Variants in BACH2 observed in about 807,000 individuals in gnomAD.
BACH2 encodes the protein transcription regulator protein BACH2.
A neutral mutation model predicts 61.8 loss-of-function variants in BACH2; 5 were observed. That is an observed-to-expected ratio of 0.08 (90% CI 0.04 to 0.17). The LOEUF (loss-of-function observed/expected upper bound fraction) is 0.17. Among genes scored for constraint, BACH2 ranks in the 10% least tolerant of loss-of-function variants. The pLI, the probability that BACH2 is intolerant of heterozygous loss-of-function variation, is 1.00. For synonymous variants in BACH2, 446 were observed against 440.1 expected (o/e 1.01, Z -0.17); for missense variants, 824 against 1,091.1 (o/e 0.76, Z 3.45).
In BACH2 at chr6:89,950,253, T is replaced by TA; in HGVS notation, c.1836+16_1836+17insT. ...TAGAGAGTGGGTCACATGCTTGAAT[T>TA]TATGTGGGTTCCCTACCTCCTGGCC... is the stretch of plus-strand genomic sequence containing the variant. On this transcript the variant is annotated intron_variant, in intron 7 of 8. Coordinates refer to ENST00000257749, the MANE Select transcript of BACH2 (RefSeq NM_021813.4). This position sits in a 1 kb window ranked among gnomAD's most constrained non-coding sequence, Gnocchi z 5.3. The TA allele has an allele frequency of 6.2e-7, 1 of 1,613,926 alleles. No individual in the cohort carries two copies. The highest frequency in any genetic ancestry group is 8.5e-7 in the Non-Finnish European group (1 of 1,179,942).
intron 6 of BACH2, among the ~76,000 whole-genome samples, chr6:89,954,883 T>C (rs1163119341): frequency 6.6e-6 from 1 of 152,222 alleles, no homozygotes; most frequent in Non-Finnish European, 1.5e-5. Context: ...AAACTGTCAC[T>C]TAAGCCCAAG....
At chr6:90,010,562 CA>C (rs2127781338) in intron 5 of BACH2, among the ~76,000 whole-genome samples, 1 of 152,278 alleles carries the variant, frequency 6.6e-6, no homozygotes, top group East Asian at 1.9e-4. Context: ...TGAACATTCA[CA>C]TACAATTCTT....
chr6:90,116,938 T>C (rs1783425935), intron 4 of BACH2: 2 of 432,264 alleles, frequency 4.6e-6, no homozygotes, highest in African/African-American at 2.1e-5. Flanking sequence ...CAAGTACATG[T>C]GCAGCTTCAA....
intron 6 of BACH2, among the ~76,000 whole-genome samples, chr6:89,980,905 T>G (rs935813779): frequency 8.7e-5 from 13 of 148,816 alleles, no homozygotes; most frequent in Non-Finnish European, 1.9e-4. Flanking sequence ...ATTTTCAGTT[T>G]TTTTTTTTTT....
intron 8 of BACH2, among the ~76,000 whole-genome samples, chr6:89,933,563 T>C (rs1039432705): frequency 2.5e-4 from 38 of 151,870 alleles, no homozygotes; most frequent in African/African-American, 8.5e-4. Context: ...GTAGGTTCAT[T>C]GACTAACACA....
chr6:90,188,760 G>GAAAAAAAAAA (rs57618295), intron 4 of BACH2, among the ~76,000 whole-genome samples: 3 of 78,744 alleles, frequency 3.8e-5, no homozygotes, highest in Non-Finnish European at 5.2e-5. Flanking sequence ...GCCCCAAAAT[G>GAAAAAAAAAA]AAAAAAAAAA....
At chr6:90,113,363 ATCC>A (rs1227494103) in intron 4 of BACH2, among the ~76,000 whole-genome samples, 1 of 152,110 alleles carries the variant, frequency 6.6e-6, no homozygotes, top group African/African-American at 2.4e-5. Context: ...ACATAAAACA[ATCC>A]TCAACAAATG....
At chr6:90,126,794 C>T (rs1412985876) in intron 4 of BACH2, among the ~76,000 whole-genome samples, 1 of 152,178 alleles carries the variant, frequency 6.6e-6, no homozygotes, top group Non-Finnish European at 1.5e-5. Flanking sequence ...TGGCCAGATG[C>T]CCAGTGGCTT....
Position 89,930,160 on chromosome 6 carries a change from CACACAA to C in BACH2, c.*2242_*2247del, listed in dbSNP as rs1201690260. The C allele has an allele frequency of 2.9e-5, 4 of 136,474 alleles. No homozygotes were observed. The highest frequency in any genetic ancestry group is 2.3e-4 in the East Asian group (1 of 4,360). The allele number at this position is 136,474 out of a possible 1,614,324, so 8.5% of individuals were successfully genotyped here. A position where few individuals can be genotyped will look rare whatever the true frequency, so the allele number is the denominator to read the frequency against. On this transcript the variant is annotated 3_prime_UTR_variant, in exon 9 of 9. Coordinates refer to ENST00000257749, the MANE Select transcript of BACH2 (RefSeq NM_021813.4). ...ACACACACACACACACACACACACA[CACACAA>C]ACAAGAAAAAACAAAAACCCAGAGG...
At chr6:90,006,715 C>T (rs1777424932) in intron 6 of BACH2, among the ~76,000 whole-genome samples, 1 of 151,778 alleles carries the variant, frequency 6.6e-6, no homozygotes, top group Non-Finnish European at 1.5e-5. Flanking sequence ...CTCCTGGGCT[C>T]AAGCAATCCT....
chr6:90,185,598 T>C (rs1768327961), intron 4 of BACH2, among the ~76,000 whole-genome samples: 1 of 152,214 alleles, frequency 6.6e-6, no homozygotes. Flanking sequence ...AAAATTAACA[T>C]ATATTATTTT....
At chr6:90,292,420 A>AC (rs1315452386) in intron 1 of BACH2, among the ~76,000 whole-genome samples, 2 of 152,196 alleles carry the variant, frequency 1.3e-5, no homozygotes, top group East Asian at 3.8e-4. Flanking sequence ...CAGCCAAGTT[A>AC]CCCCATCTGG....
chr6:89,961,098 T>C (rs1774719079), intron 6 of BACH2, among the ~76,000 whole-genome samples: 1 of 152,176 alleles, frequency 6.6e-6, no homozygotes, highest in Non-Finnish European at 1.5e-5. Context: ...CAGGTATAGA[T>C]GGTTATATTT....
At chr6:89,936,412 G>A (rs1047042944) in intron 8 of BACH2, among the ~76,000 whole-genome samples, 1 of 152,182 alleles carries the variant, frequency 6.6e-6, no homozygotes, top group Non-Finnish European at 1.5e-5. Context: ...AAAGTACTGC[G>A]ATTACAGGTG....
chr6:89,937,955 A>G (rs189100876), intron 8 of BACH2, among the ~76,000 whole-genome samples, 189 bp downstream of exon 8: 1,540 of 151,452 alleles, frequency 0.01, 27 homozygotes, highest in African/African-American at 0.035. Flanking sequence ...GCGCGTGCAG[A>G]CACACAAACA....
chr6:90,211,588 CTGTGTGTGTGTGTGTGTGTGTGTG>C (rs3072674), intron 3 of BACH2, among the ~76,000 whole-genome samples: 1 of 144,038 alleles, frequency 6.9e-6, no homozygotes, highest in Non-Finnish European at 1.5e-5. Flanking sequence ...GTGTCAAGGG[CTGTGTGTGTGTGTGTGTGTGTGTG>C]TGTGTGTGTG....
intron 4 of BACH2, among the ~76,000 whole-genome samples, chr6:90,099,759 T>G (rs1782535514): frequency 6.6e-6 from 1 of 152,240 alleles, no homozygotes; most frequent in Non-Finnish European, 1.5e-5. Context: ...TTAGGCATTT[T>G]TTAACAGGTT....
chr6:89,941,576 C>T (rs1041138307), intron 7 of BACH2, among the ~76,000 whole-genome samples: 2 of 152,186 alleles, frequency 1.3e-5, no homozygotes, highest in African/African-American at 4.8e-5. Flanking sequence ...TTGCACAGGG[C>T]TTCTAATGAT....
intron 1 of BACH2, among the ~76,000 whole-genome samples, chr6:90,284,506 T>C (rs1356247511): frequency 6.6e-6 from 1 of 152,240 alleles, no homozygotes; most frequent in Non-Finnish European, 1.5e-5. Flanking sequence ...GATTGTAGTC[T>C]GCACCAGTAT....
Sources: allele counts gnomAD v4.1 joint callset (sites outside exome capture counted in the v4.1 genomes callset), GRCh38; gene constraint gnomAD v4.1.1; non-coding constraint Gnocchi (gnomAD v3.1); transcripts MANE v1.5; gene names NCBI Gene and HGNC (gene_info 2026-07-23, HGNC 2026-07-21).